The following DTWD2 variants were observed in gnomAD, a reference collection of about 807,000 sequenced individuals.
DTWD2 encodes DTW motif tRNA-uridine aminocarboxypropyltransferase 2.
A neutral mutation model predicts 31.8 loss-of-function variants in DTWD2; 39 were observed. The observed-to-expected ratio is 1.22, with a 90% CI of 0.95 to 1.60. DTWD2 has a LOEUF of 1.60. DTWD2 is among the 40% of genes most tolerant of loss of function. The pLI is 0.00. For missense variants in DTWD2, 515 were observed against 381.5 expected, an observed-to-expected ratio of 1.35 and a Z score of -2.92; for synonymous variants, 180 against 142.8, an observed-to-expected ratio of 1.26 and a Z score of -1.86.
chr5:118,885,061 C>A (rs919586169), intron 4 of DTWD2, among the ~76,000 whole-genome samples: 1 of 145,608 alleles, frequency 6.9e-6, no homozygotes, highest in Non-Finnish European at 1.5e-5. Context: ...GTGATCCCAA[C>A]ACTTTGGGAA....
intron 5 of DTWD2, among the ~76,000 whole-genome samples, chr5:118,843,648 T>C (rs1158461211): frequency 6.6e-6 from 1 of 152,216 alleles, no homozygotes; most frequent in Admixed American, 6.5e-5. Context: ...ACATTTATTA[T>C]ATTCTTGTAA....
chr5:118,935,926 C>A (rs1269589771), intron 3 of DTWD2, among the ~76,000 whole-genome samples: 1 of 152,174 alleles, frequency 6.6e-6, no homozygotes, highest in East Asian at 1.9e-4. Flanking sequence ...CTACATCTGA[C>A]AACTGAGGAA....
At chr5:118,987,244 T>C (rs532593826) in intron 1 of DTWD2, among the ~76,000 whole-genome samples, 1 of 152,316 alleles carries the variant, frequency 6.6e-6, no homozygotes, top group South Asian at 2.1e-4. Flanking sequence ...TCACAGTCCC[T>C]TCTAATCACA....
chr5:118,856,966 G>A (rs574196515), intron 4 of DTWD2, among the ~76,000 whole-genome samples: 4 of 151,124 alleles, frequency 2.6e-5, no homozygotes, highest in African/African-American at 4.9e-5. Context: ...TAGTAGAGAC[G>A]GGGTTTCAAC....
intron 4 of DTWD2, among the ~76,000 whole-genome samples, chr5:118,858,656 A>G (rs1434000338): frequency 6.6e-6 from 1 of 152,152 alleles, no homozygotes; most frequent in East Asian, 1.9e-4. Context: ...TTTTTTTAAA[A>G]CTATATTAAA....
intron 1 of DTWD2, among the ~76,000 whole-genome samples, chr5:118,966,143 T>C (rs1167637299): frequency 1.3e-5 from 2 of 152,156 alleles, no homozygotes; most frequent in South Asian, 2.1e-4. Flanking sequence ...CCCAGAAAAA[T>C]ACCTTAATAC....
At position 118,892,136 on chromosome 5, in the gene DTWD2, G is replaced by A. The variant is rs570492340; in HGVS notation, c.597+36401C>T. ...TTTTCCAAATAATCTTTGATATCCA[G>A]TGTGTATTTTATCTATACAGAGCAT... On this transcript the variant is annotated intron_variant, in intron 4 of 5. Coordinates refer to ENST00000510708, the MANE Select transcript of DTWD2 (RefSeq NM_173666.4). 2.0e-5 allele frequency among the ~76,000 whole-genome samples: 3 copies of A among 152,046 alleles called. No individual in the cohort carries two copies. In the South Asian group the frequency reaches 6.2e-4, roughly 32 times the overall value.
intron 3 of DTWD2, among the ~76,000 whole-genome samples, chr5:118,937,653 C>T (rs770641495): frequency 3.3e-5 from 5 of 152,174 alleles, no homozygotes; most frequent in Non-Finnish European, 5.9e-5. Flanking sequence ...TCCCCCTTCA[C>T]ATTGTTCTCT....
chr5:118,876,392 T>A (rs191216071), intron 4 of DTWD2, among the ~76,000 whole-genome samples: 4 of 151,442 alleles, frequency 2.6e-5, no homozygotes, highest in Non-Finnish European at 4.4e-5. Context: ...AAACCGTGAA[T>A]TGAAGGAGAC....
At chr5:118,938,418 A>G (rs923472252) in intron 3 of DTWD2, among the ~76,000 whole-genome samples, 1 of 152,196 alleles carries the variant, frequency 6.6e-6, no homozygotes, top group Non-Finnish European at 1.5e-5. Context: ...TTTACAAAGG[A>G]CACCAAAAGC....
At chr5:118,962,966 A>G (rs143620597) in intron 1 of DTWD2, among the ~76,000 whole-genome samples, 1 of 152,376 alleles carries the variant, frequency 6.6e-6, no homozygotes, top group Non-Finnish European at 1.5e-5. Flanking sequence ...ACATAGTTCT[A>G]TCCAGCTGTC....
intron 4 of DTWD2, among the ~76,000 whole-genome samples, chr5:118,923,097 T>C (rs1408035127): frequency 6.6e-6 from 1 of 152,138 alleles, no homozygotes; most frequent in Non-Finnish European, 1.5e-5. Flanking sequence ...ATGATAATCA[T>C]GTTTTTGGAA....
chr5:118,922,274 C>T (rs759260110), intron 4 of DTWD2, among the ~76,000 whole-genome samples: 13 of 152,170 alleles, frequency 8.5e-5, no homozygotes, highest in East Asian at 1.9e-4. Context: ...AGTTCACATA[C>T]GGCTAGTTAC....
chr5:118,884,484 C>G (rs1311454164), intron 4 of DTWD2, among the ~76,000 whole-genome samples: 1 of 152,188 alleles, frequency 6.6e-6, no homozygotes, highest in East Asian at 1.9e-4. Flanking sequence ...TATCGACACA[C>G]TCATACACAA....
chr5:118,844,524 G>A (rs1041560356), intron 5 of DTWD2, among the ~76,000 whole-genome samples: 4 of 152,140 alleles, frequency 2.6e-5, no homozygotes, highest in Non-Finnish European at 5.9e-5. Flanking sequence ...TGCCTGTGTT[G>A]ACAACTGTGG....
At chr5:118,920,579 A>T (rs540706337) in intron 4 of DTWD2, among the ~76,000 whole-genome samples, 1 of 150,730 alleles carries the variant, frequency 6.6e-6, no homozygotes, top group African/African-American at 2.5e-5. Flanking sequence ...GGCATTTTTA[A>T]ATTAAAAATG....
intron 4 of DTWD2, among the ~76,000 whole-genome samples, chr5:118,860,602 T>C (rs949686682): frequency 2.0e-5 from 3 of 152,148 alleles, no homozygotes; most frequent in South Asian, 2.1e-4. Context: ...TTACCCTCAA[T>C]AGAGTGGTAA....
chr5:118,966,339 G>C (rs1754848689), intron 1 of DTWD2, among the ~76,000 whole-genome samples: 1 of 152,160 alleles, frequency 6.6e-6, no homozygotes, highest in African/African-American at 2.4e-5. Flanking sequence ...TGTCATAAAG[G>C]GTTATGAGGA....
chr5:118,986,927 T>G (rs1054801630), intron 1 of DTWD2, among the ~76,000 whole-genome samples: 9 of 152,326 alleles, frequency 5.9e-5, no homozygotes, highest in Middle Eastern at 3.4e-3. Flanking sequence ...TGGGGAAAAT[T>G]GTAATCCTAA....
Sources: gnomAD v4.1 joint callset for allele counts (sites outside exome capture counted in the v4.1 genomes callset) on GRCh38, gnomAD v4.1.1 for gene constraint, MANE v1.5 for transcripts, NCBI Gene and HGNC (gene_info 2026-07-23, HGNC 2026-07-21) for gene names.